The following PTPRT variants were observed in gnomAD, a reference collection of about 807,000 sequenced individuals.
The protein encoded by PTPRT is receptor-type tyrosine-protein phosphatase T.
PTPRT carries 56 observed loss-of-function variants against 176.8 expected under a neutral mutation model. The observed-to-expected ratio is 0.32, with a 90% CI of 0.26 to 0.40. PTPRT has a LOEUF of 0.40. Ranked by LOEUF, PTPRT falls within the 10% of genes least tolerant of loss-of-function variation. The pLI is 1.00. For synonymous variants in PTPRT, 783 were observed against 739.0 expected (o/e 1.06, Z -0.96); for missense variants, 1,540 against 1,908.2 (o/e 0.81, Z 3.60).
intron 9 of PTPRT, among the ~76,000 whole-genome samples, chr20:42,360,531 G>A (rs748867093): frequency 6.6e-6 from 1 of 152,198 alleles, no homozygotes; most frequent in Non-Finnish European, 1.5e-5. Flanking sequence ...TGTCCTGGGT[G>A]CTATGATTTT....
intron 16 of PTPRT, among the ~76,000 whole-genome samples, chr20:42,188,126 T>C (rs742290): frequency 0.34 from 52,082 of 152,090 alleles, 9,263 homozygotes; most frequent in East Asian, 0.38. Context: ...GATGTAAATG[T>C]CCCCCTCTTC....
At position 42,633,819 on chromosome 20, in the gene PTPRT, A is replaced by ATATATATG. The variant is rs1162225733; in HGVS notation, c.1153+44046_1153+44047insCATATATA. Among the ~76,000 whole-genome samples, 3 of 85,586 alleles carry ATATATATG rather than the reference A, an allele frequency of 3.5e-5. No individual in the cohort carries two copies. The Admixed American group carries it at 5.7e-4, about 16-fold the overall frequency. 56.1% of individuals were successfully genotyped at this position (85,586 alleles called of 152,430 possible). On this transcript the variant is annotated intron_variant, in intron 7 of 30. Transcript: ENST00000373187. ...TATATATATATATATATATATATAT[A>ATATATATG]ATAAAATATTAATATATTATAATAA... is the stretch of plus-strand genomic sequence containing the variant.
At chr20:42,693,425 G>C (rs1427394087) in intron 6 of PTPRT, among the ~76,000 whole-genome samples, 1 of 152,166 alleles carries the variant, frequency 6.6e-6, no homozygotes, top group Non-Finnish European at 1.5e-5. Context: ...GGAAAAGAAA[G>C]TTAGAGAGCT....
chr20:42,225,824 T>C (rs1169472039), intron 15 of PTPRT, among the ~76,000 whole-genome samples: 1 of 152,150 alleles, frequency 6.6e-6, no homozygotes, highest in Non-Finnish European at 1.5e-5. Context: ...GGCTAATTTT[T>C]ATATTTTTAG....
intron 8 of PTPRT, among the ~76,000 whole-genome samples, chr20:42,448,972 T>C (rs565386510): frequency 1.3e-5 from 2 of 152,254 alleles, no homozygotes; most frequent in Admixed American, 6.5e-5. Flanking sequence ...GGGCTGCTGG[T>C]TGGACAAGCT....
At chr20:42,048,224 T>A in the PTPRT span, among the ~76,000 whole-genome samples, 8 of 152,178 alleles carry the variant, frequency 5.3e-5, no homozygotes, top group African/African-American at 1.4e-4. Context: ...TATGGGAAAC[T>A]CAGTTCTTCC....
chr20:42,904,418 T>C (rs931745946), intron 1 of PTPRT, among the ~76,000 whole-genome samples: 1 of 152,192 alleles, frequency 6.6e-6, no homozygotes, highest in Non-Finnish European at 1.5e-5. Flanking sequence ...ACTTGGCTCT[T>C]CCTCCAGCTG....
At chr20:42,389,042 T>C (rs1262370964) in intron 9 of PTPRT, among the ~76,000 whole-genome samples, 4 of 148,612 alleles carry the variant, frequency 2.7e-5, no homozygotes, top group South Asian at 4.3e-4. Flanking sequence ...AACCAAACAC[T>C]GCATGTTCTC....
At chr20:42,801,024 T>C (rs1428440165) in intron 2 of PTPRT, among the ~76,000 whole-genome samples, 1 of 152,130 alleles carries the variant, frequency 6.6e-6, no homozygotes, top group Non-Finnish European at 1.5e-5. Flanking sequence ...TTTTTCTTCC[T>C]GGGGAGAGCA....
chr20:42,420,263 C>T (rs907302616), intron 9 of PTPRT, among the ~76,000 whole-genome samples: 7 of 152,080 alleles, frequency 4.6e-5, no homozygotes, highest in African/African-American at 1.7e-4. Flanking sequence ...TATCTGAGGG[C>T]CTGAATACGA....
intron 9 of PTPRT, among the ~76,000 whole-genome samples, chr20:42,360,641 A>G (rs964059454): frequency 6.6e-6 from 1 of 152,140 alleles, no homozygotes; most frequent in Non-Finnish European, 1.5e-5. Context: ...TCTGAACATG[A>G]GCTGCTTGCC....
intron 2 of PTPRT, among the ~76,000 whole-genome samples, chr20:42,849,774 T>C (rs939853047): frequency 6.6e-6 from 1 of 152,232 alleles, no homozygotes; most frequent in Non-Finnish European, 1.5e-5. Context: ...GTGAATTTTC[T>C]AGAACAGCAC....
chr20:42,629,395 A>T lies in PTPRT; in HGVS notation c.1153+48471T>A, dbSNP rs557914648. 2.6e-5 allele frequency among the ~76,000 whole-genome samples: 4 copies of T among 152,298 alleles called. No individual in the cohort carries two copies. In the East Asian group the frequency reaches 7.7e-4, roughly 29 times the overall value. On this transcript the variant is annotated intron_variant, in intron 7 of 30. Coordinates refer to ENST00000373187, the MANE Select transcript of PTPRT (RefSeq NM_007050.6). ...ATTCTAAGCAGAGATACCGCAAAGT[A>T]TCTTGTGCAAAACCAACTAGGTGAG...
chr20:43,135,204 G>A (rs879278548), intron 1 of PTPRT, among the ~76,000 whole-genome samples: 3 of 152,196 alleles, frequency 2.0e-5, no homozygotes, highest in East Asian at 3.8e-4. Context: ...AGAAAGGCAC[G>A]ATGCTGCCAA....
At chr20:42,827,154 A>G (rs2145678024) in intron 2 of PTPRT, among the ~76,000 whole-genome samples, 1 of 152,342 alleles carries the variant, frequency 6.6e-6, no homozygotes, top group East Asian at 1.9e-4. Flanking sequence ...ATTGAGGTAG[A>G]AAATTAACAA....
intron 1 of PTPRT, among the ~76,000 whole-genome samples, chr20:43,130,138 A>C (rs1350393315): frequency 6.6e-6 from 1 of 152,236 alleles, no homozygotes; most frequent in Non-Finnish European, 1.5e-5. Flanking sequence ...TGATGATGTG[A>C]GTGGATAAGT....
At chr20:42,549,319 G>A (rs2072728572) in intron 7 of PTPRT, among the ~76,000 whole-genome samples, 1 of 152,086 alleles carries the variant, frequency 6.6e-6, no homozygotes, top group Non-Finnish European at 1.5e-5. Flanking sequence ...AAAGGGTGAA[G>A]TAGAATGAGT....
chr20:42,627,966 G>A (rs1172642035), intron 7 of PTPRT, among the ~76,000 whole-genome samples: 1 of 152,084 alleles, frequency 6.6e-6, no homozygotes, highest in Non-Finnish European at 1.5e-5. Context: ...TATAGGCAAG[G>A]TTTCATCCAT....
chr20:42,999,615 T>TGTTGTTGTTGTTGTTG (rs35015314), intron 1 of PTPRT, among the ~76,000 whole-genome samples: 29 of 150,556 alleles, frequency 1.9e-4, no homozygotes, highest in Admixed American at 5.3e-4. Flanking sequence ...TGGTTTTTTT[T>TGTTGTTGTTGTTGTTG]TTGTTGTTGT....
Sources: gnomAD v4.1 joint callset for allele counts (sites outside exome capture counted in the v4.1 genomes callset) on GRCh38, gnomAD v4.1.1 for gene constraint, MANE v1.5 for transcripts, NCBI Gene and HGNC (gene_info 2026-07-23, HGNC 2026-07-21) for gene names.